FAM193A: variants seen among roughly 807,000 people sequenced by gnomAD.
The protein encoded by FAM193A is protein FAM193A.
Under a neutral mutation model 126.5 loss-of-function variants are expected in FAM193A, and 22 were observed. The observed-to-expected ratio is 0.17, with a 90% CI of 0.12 to 0.25. FAM193A has a LOEUF of 0.25. Among genes scored for constraint, FAM193A ranks in the 10% least tolerant of loss-of-function variants. The probability of loss-of-function intolerance (pLI) is 1.00; values close to 1 mark genes in which losing one functional copy is unlikely to be tolerated. For missense variants in FAM193A, 1,675 were observed against 1,672.8 expected (o/e 1.00, Z -0.02); for synonymous variants, 761 against 646.8 (o/e 1.18, Z -2.68).
At chr4:2,543,973 T>C (rs1402845781) in intron 1 of FAM193A, among the ~76,000 whole-genome samples, 2 of 151,772 alleles carry the variant, frequency 1.3e-5, no homozygotes, top group Non-Finnish European at 2.9e-5. Flanking sequence ...GTATGATTAT[T>C]ATGGATCTTT....
intron 7 of FAM193A, among the ~76,000 whole-genome samples, chr4:2,653,454 AT>A (rs968465724): frequency 2.3e-4 from 35 of 151,124 alleles, no homozygotes; most frequent in Non-Finnish European, 4.4e-4. Context: ...ATTTTTATTT[AT>A]TTTTTTTTAG....
chr4:2,574,770 T>C (rs1264793641), intron 1 of FAM193A, among the ~76,000 whole-genome samples: 1 of 152,238 alleles, frequency 6.6e-6, no homozygotes, highest in Non-Finnish European at 1.5e-5. Flanking sequence ...GAATTAATCA[T>C]TTTAAATTAA....
intron 1 of FAM193A, among the ~76,000 whole-genome samples, chr4:2,573,050 G>A (rs754433435): frequency 1.3e-5 from 2 of 152,130 alleles, no homozygotes; most frequent in Non-Finnish European, 2.9e-5. Context: ...TTTATTTTGG[G>A]TCTCATGCTC....
At chr4:2,567,420 C>T (rs1032593478) in intron 1 of FAM193A, among the ~76,000 whole-genome samples, 1 of 152,196 alleles carries the variant, frequency 6.6e-6, no homozygotes, top group Non-Finnish European at 1.5e-5. Context: ...GCCAGTAAAA[C>T]TGACTCTCTA....
chr4:2,708,980 T>A (rs1306483324), intron 19 of FAM193A, among the ~76,000 whole-genome samples: 2 of 152,170 alleles, frequency 1.3e-5, no homozygotes, highest in Non-Finnish European at 2.9e-5. Flanking sequence ...CCACATTAAG[T>A]AAGATGTTGG....
intron 19 of FAM193A, among the ~76,000 whole-genome samples, chr4:2,712,599 T>G (rs1214330830): frequency 6.6e-6 from 1 of 152,202 alleles, no homozygotes; most frequent in African/African-American, 2.4e-5. Context: ...TAGGACGTTC[T>G]CTTGTGTGAA....
intron 2 of FAM193A, among the ~76,000 whole-genome samples, chr4:2,612,286 G>A (rs1741927994): frequency 6.6e-6 from 1 of 151,856 alleles, no homozygotes; most frequent in Non-Finnish European, 1.5e-5. Context: ...TGGGTCACGA[G>A]GTCAGGAATT....
upstream of FAM193A, among the ~76,000 whole-genome samples, chr4:2,536,132 C>A (rs980866914): frequency 3.5e-4 from 53 of 151,652 alleles, no homozygotes; most frequent in Admixed American, 1.6e-3. Context: ...CGCCGGTCTG[C>A]GGCACCTGGG....
At chr4:2,687,082 T>A (rs1382182192) in intron 13 of FAM193A, among the ~76,000 whole-genome samples, 2 of 152,018 alleles carry the variant, frequency 1.3e-5, no homozygotes, top group African/African-American at 4.8e-5. Context: ...TCTACCCTCC[T>A]CTCCCCCTTT....
intron 2 of FAM193A, among the ~76,000 whole-genome samples, chr4:2,609,111 C>A (rs1741711393): frequency 6.6e-6 from 1 of 151,892 alleles, no homozygotes; most frequent in African/African-American, 2.4e-5. Flanking sequence ...CCAGAACGGT[C>A]CCAGTCTTGT....
intron 1 of FAM193A, 51 bp from the exon 2 acceptor site, chr4:2,596,033 T>C (rs1740839190): frequency 1.5e-6 from 1 of 662,394 alleles, no homozygotes; most frequent in Non-Finnish European, 2.7e-6. Context: ...TTTAATATTC[T>C]TGGCTTTGTA....
intron 12 of FAM193A, among the ~76,000 whole-genome samples, chr4:2,667,897 A>G (rs71608222): frequency 6.6e-6 from 1 of 152,220 alleles, no homozygotes; most frequent in Non-Finnish European, 1.5e-5. Context: ...AAATTAAAAT[A>G]CAATATGTAT....
chr4:2,572,403 G>A (rs1372170159), intron 1 of FAM193A, among the ~76,000 whole-genome samples: 3 of 151,942 alleles, frequency 2.0e-5, no homozygotes, highest in East Asian at 3.8e-4. Context: ...GGTTGTGTAC[G>A]GTGCCTAAAT....
chr4:2,713,945 A>T (rs992389624), intron 19 of FAM193A, among the ~76,000 whole-genome samples: 3 of 152,164 alleles, frequency 2.0e-5, no homozygotes, highest in Non-Finnish European at 2.9e-5. Context: ...TTTTCCTGAT[A>T]CCAAATTGGT....
chr4:2,587,822 AGAG>A (rs1319228067), intron 1 of FAM193A, among the ~76,000 whole-genome samples: 1 of 152,214 alleles, frequency 6.6e-6, no homozygotes, highest in Admixed American at 6.6e-5. Flanking sequence ...AGTGCTACTG[AGAG>A]GAGATCGTTG....
intron 2 of FAM193A, among the ~76,000 whole-genome samples, chr4:2,619,520 G>A (rs2108962160): frequency 6.6e-6 from 1 of 152,020 alleles, no homozygotes; most frequent in East Asian, 1.9e-4. Context: ...TGTATTTTTA[G>A]TAGAGGTGGG....
intron 13 of FAM193A, among the ~76,000 whole-genome samples, chr4:2,679,171 T>C (rs1714797015): frequency 6.6e-6 from 1 of 152,162 alleles, no homozygotes; most frequent in Non-Finnish European, 1.5e-5. Context: ...GTTGTGATGA[T>C]CTTTGGCTTT....
intron 2 of FAM193A, among the ~76,000 whole-genome samples, chr4:2,599,173 A>G (rs1322178168): frequency 1.3e-5 from 2 of 150,928 alleles, no homozygotes; most frequent in South Asian, 4.2e-4. Flanking sequence ...AGACTCCCAC[A>G]CTTGACACTC....
chr4:2,670,301 TGTA>T (rs1456719299), intron 12 of FAM193A, among the ~76,000 whole-genome samples: 1 of 152,232 alleles, frequency 6.6e-6, no homozygotes, highest in Non-Finnish European at 1.5e-5. Context: ...TCTCTTTTTT[TGTA>T]GTAATTCCCT....
Sources: gnomAD v4.1 joint callset for allele counts (sites outside exome capture counted in the v4.1 genomes callset) on GRCh38, gnomAD v4.1.1 for gene constraint, MANE v1.5 for transcripts, NCBI Gene and HGNC (gene_info 2026-07-23, HGNC 2026-07-21) for gene names.